TBC1D32: variants seen among roughly 807,000 people sequenced by gnomAD.
TBC1D32 encodes the protein TBC1 domain family member 32.
Under a neutral mutation model 170.3 loss-of-function variants are expected in TBC1D32, and 151 were observed. The ratio of observed to expected loss-of-function variants is 0.89; its 90% CI spans 0.78 to 1.01. The LOEUF is 1.01. TBC1D32 is among the 50% of genes least tolerant of loss of function. The pLI is 0.00. For synonymous variants in TBC1D32, 498 were observed against 488.0 expected (o/e 1.02, Z -0.27); for missense variants, 1,464 against 1,457.1 (o/e 1.00, Z -0.08).
At chr6:121,294,504 C>A in intron 11 of TBC1D32, 66 bp downstream of exon 11, 1 of 1,213,594 alleles carries the variant, frequency 8.2e-7, no homozygotes, top group Non-Finnish European at 1.2e-6. Flanking sequence ...AAAGTTCCTA[C>A]TAAACTGTAT....
intron 17 of TBC1D32, among the ~76,000 whole-genome samples, chr6:121,249,188 C>T (rs79435705): frequency 0.011 from 1,731 of 150,856 alleles, 43 homozygotes; most frequent in African/African-American, 0.04. Context: ...ATCACATAAA[C>T]GGAATTAAAA....
chr6:121,240,932 C>G (rs1796912498), intron 19 of TBC1D32, among the ~76,000 whole-genome samples: 1 of 140,054 alleles, frequency 7.1e-6, no homozygotes, highest in Non-Finnish European at 1.6e-5. Flanking sequence ...TAACTTCTTA[C>G]AAATCAAATG....
intron 22 of TBC1D32, among the ~76,000 whole-genome samples, chr6:121,185,838 A>T (rs1044579898): frequency 6.6e-6 from 1 of 152,094 alleles, no homozygotes; most frequent in Non-Finnish European, 1.5e-5. Context: ...TGGTCTTATG[A>T]TGTGCCCTAG....
intron 4 of TBC1D32, among the ~76,000 whole-genome samples, chr6:121,308,541 A>G (rs1202589320): frequency 1.3e-5 from 2 of 151,874 alleles, no homozygotes; most frequent in Non-Finnish European, 2.9e-5. Context: ...TATATGAACA[A>G]TTCTCACAAA....
chr6:121,200,847 C>T (rs184953403), intron 22 of TBC1D32, among the ~76,000 whole-genome samples: 1 of 151,352 alleles, frequency 6.6e-6, no homozygotes, highest in East Asian at 1.9e-4. Flanking sequence ...AGTACAGAAG[C>T]AGGAATAAAT....
rs369594864 is a variant in TBC1D32 at position 121,317,545 on chromosome 6, G to C, written c.445C>G (p.His149Asp). Residue 149 changes from histidine to aspartate, a missense_variant, in exon 3 of 32, where the codon CAT becomes GAT. This residue lies in a region of TBC1D32 where 1,363 missense variants were observed against 1,338.1 expected (regional missense o/e 1.02). Coordinates refer to ENST00000398212, the MANE Select transcript of TBC1D32 (RefSeq NM_152730.6). Reference protein sequence around the residue: ...RQKKIQKEKSHSYRTDNCSDS... With the variant: ...RQKKIQKEKSDSYRTDNCSDS... The stretch of plus-strand genomic sequence containing the variant: ...GAGCAATTGTCTGTGCGGTAACTAT[G>C]GCTTTTCTCCTTTTGGATTTTTTTC... 1.1e-4 allele frequency: 179 copies of C among 1,612,294 alleles called. No homozygotes were observed. Among genetic ancestry groups the C allele is most frequent in the Non-Finnish European group, 1.5e-4 (173 of 1,179,174 alleles).
At chr6:121,320,350 A>C (rs1453579586) in intron 2 of TBC1D32, among the ~76,000 whole-genome samples, 1 of 152,094 alleles carries the variant, frequency 6.6e-6, no homozygotes, top group African/African-American at 2.4e-5. Flanking sequence ...TACTAATTTT[A>C]ACACATGGAT....
chr6:121,113,857 T>C (rs1238786054), intron 27 of TBC1D32, among the ~76,000 whole-genome samples: 1 of 152,190 alleles, frequency 6.6e-6, no homozygotes, highest in Non-Finnish European at 1.5e-5. Flanking sequence ...GAAACCTTAC[T>C]AATAATTGTT....
At position 121,313,724 on chromosome 6, in the gene TBC1D32, G is replaced by T. The variant is rs1808562259; in HGVS notation, c.496-2877C>A. ...ATTAAAATCTTATCAAGTGAGGGTA[G>T]CCAGACATGGAGGAACTTCTGAAGT... On this transcript the variant is annotated intron_variant, in intron 3 of 31. Coordinates refer to ENST00000398212, the MANE Select transcript of TBC1D32 (RefSeq NM_152730.6). 1.3e-5 allele frequency among the ~76,000 whole-genome samples: 2 copies of T among 152,074 alleles called. 1 individual carries two copies. The highest frequency in any genetic ancestry group is 4.2e-4 in the South Asian group (2 of 4,812).
Position 121,281,639 on chromosome 6 carries a change from T to C in TBC1D32, c.1513A>G (p.Ser505Gly), listed in dbSNP as rs79221470. The change falls in exon 14 of 32, where the codon AGT becomes GGT. Residue 505 changes from serine (S) to glycine (G), a missense_variant. Transcript: ENST00000398212. The stretch of plus-strand genomic sequence containing the variant: ...TCCACTGCACATTCTTTTTGATCAC[T>C]GAGTATCCACAGAACTTCAGTCACC... The part of the protein sequence containing the change: ...SMVTEVLWIL[S>G]DQKECAVECL... 6 of 1,605,306 alleles carry C rather than the reference T, an allele frequency of 3.7e-6. No individual in the cohort carries two copies. The African/African-American group carries it at 8.1e-5, about 22-fold the overall frequency.
intron 21 of TBC1D32, among the ~76,000 whole-genome samples, chr6:121,208,854 T>C (rs965352100): frequency 2.6e-5 from 4 of 152,012 alleles, no homozygotes; most frequent in Middle Eastern, 3.4e-3. Context: ...AAGAATAAAT[T>C]TTTGTGATTT....
intron 1 of TBC1D32, among the ~76,000 whole-genome samples, chr6:121,326,267 G>A (rs1398386859): frequency 6.6e-6 from 1 of 152,148 alleles, no homozygotes; most frequent in Non-Finnish European, 1.5e-5. Context: ...GATACAGCTA[G>A]ACAGGAGGAG....
In TBC1D32 at chr6:121,321,934, C is replaced by A. The variant is rs1809788360; in HGVS notation, c.156-140G>T. The A allele has an allele frequency of 7.2e-6, 6 of 828,836 alleles. No homozygotes were observed. The East Asian group carries it at 1.5e-4, about 21-fold the overall frequency. 51.3% of individuals were successfully genotyped at this position (828,836 alleles called of 1,614,324 possible). ...TAGTCATTCATCACAAATCATCAAGCTAATCTACTAATTTTTGGCTTTTTT... is the reference window on the plus strand; with the variant it reads ...TAGTCATTCATCACAAATCATCAAGATAATCTACTAATTTTTGGCTTTTTT... On this transcript the variant is annotated intron_variant, in intron 1 of 31. Transcript: ENST00000398212.
At chr6:121,161,934 T>C (rs1785724206) in intron 22 of TBC1D32, among the ~76,000 whole-genome samples, 1 of 152,232 alleles carries the variant, frequency 6.6e-6, no homozygotes, top group Non-Finnish European at 1.5e-5. Flanking sequence ...TAATGATCAG[T>C]GATGTTAAAC....
At chr6:121,284,511 A>G (rs1041081549) in intron 12 of TBC1D32, among the ~76,000 whole-genome samples, 1 of 152,182 alleles carries the variant, frequency 6.6e-6, no homozygotes, top group African/African-American at 2.4e-5. Flanking sequence ...TTTCTGAACA[A>G]TTTAAAAAGA....
At chr6:121,205,415 G>A (rs986462228) in intron 21 of TBC1D32, among the ~76,000 whole-genome samples, 4 of 152,108 alleles carry the variant, frequency 2.6e-5, no homozygotes, top group Non-Finnish European at 4.4e-5. Context: ...AAAAGTTTCC[G>A]AAGTGAATCC....
intron 17 of TBC1D32, among the ~76,000 whole-genome samples, chr6:121,252,454 C>A (rs1700185): frequency 6.6e-6 from 1 of 152,118 alleles, no homozygotes; most frequent in African/African-American, 2.4e-5. Flanking sequence ...TCATTCTCAG[C>A]AAACTAACAC....
At chr6:121,120,360 T>A (rs769095682) in intron 26 of TBC1D32, among the ~76,000 whole-genome samples, 13 of 152,080 alleles carry the variant, frequency 8.5e-5, no homozygotes, top group Non-Finnish European at 1.9e-4. Flanking sequence ...TTTTGCTGAA[T>A]ATTTAGGTAA....
chr6:121,286,566 G>A lies in TBC1D32; in HGVS notation c.1373-2656C>T, dbSNP rs537872131. ...GTGATGGGGAGAATGGAACCAAGTT[G>A]GAAAACACTCTACAGGATATTATCC... On this transcript the variant is annotated intron_variant, in intron 12 of 31. Transcript: ENST00000398212. Among the ~76,000 whole-genome samples the A allele has an allele frequency of 5.4e-4, 82 of 152,210 alleles. 1 individual carries two copies. Among genetic ancestry groups the A allele is most frequent in the Middle Eastern group, 3.4e-3 (1 of 294 alleles).
Sources: gnomAD v4.1 joint callset for allele counts (sites outside exome capture counted in the v4.1 genomes callset) on GRCh38, gnomAD v4.1.1 for gene constraint, gnomAD v4.1.1 regional missense constraint, MANE v1.5 for transcripts, NCBI Gene and HGNC (gene_info 2026-07-23, HGNC 2026-07-21) for gene names.